Variants in SIPA1L3 observed in about 807,000 individuals in gnomAD.
SIPA1L3 encodes signal induced proliferation associated 1 like 3.
Under a neutral mutation model 150.1 loss-of-function variants are expected in SIPA1L3, and 59 were observed. That is an observed-to-expected ratio of 0.39 (90% CI 0.32 to 0.49). SIPA1L3 has a LOEUF of 0.49. SIPA1L3 is among the 20% of genes least tolerant of loss of function. The pLI, the probability that SIPA1L3 is intolerant of heterozygous loss-of-function variation, is 0.86. For missense variants in SIPA1L3, 2,211 were observed against 2,489.5 expected (o/e 0.89, Z 2.38); for synonymous variants, 1,070 against 1,077.6 (o/e 0.99, Z 0.14).
chr19:38,054,555 C>T (rs1035011764), intron 2 of SIPA1L3, among the ~76,000 whole-genome samples: 11 of 152,086 alleles, frequency 7.2e-5, no homozygotes, highest in Admixed American at 4.6e-4. Context: ...GCCGAGATCG[C>T]GCCACCGCAC....
intron 3 of SIPA1L3, among the ~76,000 whole-genome samples, chr19:38,088,349 C>T (rs376219329): frequency 2.6e-5 from 4 of 152,364 alleles, no homozygotes; most frequent in South Asian, 4.1e-4. Flanking sequence ...TTTGCAAACA[C>T]GGGATTAATC....
At chr19:38,170,952 A>G (rs1490626441) in intron 15 of SIPA1L3, among the ~76,000 whole-genome samples, 1 of 137,126 alleles carries the variant, frequency 7.3e-6, no homozygotes, top group African/African-American at 2.5e-5. Context: ...TTGTGTGTAT[A>G]TATGCAACAT....
intron 1 of SIPA1L3, among the ~76,000 whole-genome samples, chr19:37,915,250 G>C (rs1199414294): frequency 6.6e-6 from 1 of 152,164 alleles, no homozygotes; most frequent in African/African-American, 2.4e-5. Flanking sequence ...TTGACTGCTT[G>C]GTTGCCATAC....
intron 10 of SIPA1L3, among the ~76,000 whole-genome samples, chr19:38,136,249 G>T (rs1971435004): frequency 6.7e-6 from 1 of 149,012 alleles, no homozygotes; most frequent in Non-Finnish European, 1.5e-5. Flanking sequence ...GCTTCTGGTA[G>T]TTGAAACTGG....
chr19:38,145,629 C>T lies in SIPA1L3; in HGVS notation c.3533+2919C>T, dbSNP rs192578059. ...TTGTTAACATCTTGTATGGTTATAA[C>T]GCAATATCAAAGCAAGAGGTTGACA... On this transcript the variant is annotated intron_variant, in intron 12 of 21. Coordinates refer to ENST00000222345, the MANE Select transcript of SIPA1L3 (RefSeq NM_015073.3). Among the ~76,000 whole-genome samples, 7 of 151,658 alleles carry T rather than the reference C, an allele frequency of 4.6e-5. No individual in the cohort carries two copies. The East Asian group carries it at 7.7e-4, about 17-fold the overall frequency.
intron 9 of SIPA1L3, among the ~76,000 whole-genome samples, chr19:38,129,050 TA>T (rs1316148361): frequency 6.6e-6 from 1 of 152,198 alleles, no homozygotes; most frequent in African/African-American, 2.4e-5. Flanking sequence ...AACGCAGTTT[TA>T]GGAAAGGGCA....
At chr19:38,109,527 C>T (rs1225042129) in intron 7 of SIPA1L3, 1 of 152,326 alleles carries the variant, frequency 6.6e-6, no homozygotes, top group Non-Finnish European at 1.5e-5. Flanking sequence ...CCATCCTGAC[C>T]TCAGTCAGGG....
At chr19:38,138,910 A>AAAAACAAAAAAACAAAAAC in intron 10 of SIPA1L3, among the ~76,000 whole-genome samples, 1 of 112,786 alleles carries the variant, frequency 8.9e-6, no homozygotes, top group Non-Finnish European at 1.8e-5. Flanking sequence ...AAAAAAAAAA[A>AAAAACAAAAAAACAAAAAC]AAAAACTGAG....
At chr19:38,189,087 G>C (rs1342819417) in intron 16 of SIPA1L3, among the ~76,000 whole-genome samples, 1 of 151,742 alleles carries the variant, frequency 6.6e-6, no homozygotes, top group East Asian at 1.9e-4. Flanking sequence ...TTATTAATGT[G>C]GTCACCTCCT....
chr19:38,160,920 G>C (rs1972069132), intron 13 of SIPA1L3, among the ~76,000 whole-genome samples: 1 of 152,182 alleles, frequency 6.6e-6, no homozygotes, highest in Non-Finnish European at 1.5e-5. Flanking sequence ...AATACTATTA[G>C]GGTAACATCA....
chr19:38,076,205 C>A (rs1185163372), intron 2 of SIPA1L3, among the ~76,000 whole-genome samples: 1 of 151,934 alleles, frequency 6.6e-6, no homozygotes, highest in African/African-American at 2.4e-5. Context: ...TTAGGTATGT[C>A]ATGAATACAT....
At chr19:38,000,209 G>C (rs1168467893) in intron 1 of SIPA1L3, among the ~76,000 whole-genome samples, 2 of 152,138 alleles carry the variant, frequency 1.3e-5, no homozygotes, top group East Asian at 1.9e-4. Context: ...GCTCACACCT[G>C]TAATCCCAGC....
At chr19:38,040,812 G>T (rs557416369) in intron 2 of SIPA1L3, among the ~76,000 whole-genome samples, 1 of 152,342 alleles carries the variant, frequency 6.6e-6, no homozygotes, top group Non-Finnish European at 1.5e-5. Context: ...CCAGGCTGGA[G>T]TGCAGTGGCT....
chr19:38,195,372 T>C (rs1467645329), intron 18 of SIPA1L3, among the ~76,000 whole-genome samples: 1 of 152,194 alleles, frequency 6.6e-6, no homozygotes, highest in Non-Finnish European at 1.5e-5. Context: ...GGCCCTCCCC[T>C]GCGCTCCCTT....
intron 18 of SIPA1L3, among the ~76,000 whole-genome samples, chr19:38,194,202 G>A (rs1342966032): frequency 1.3e-5 from 2 of 151,726 alleles, no homozygotes; most frequent in Admixed American, 6.6e-5. Context: ...GCCACACTTG[G>A]GGGTGGTGCA....
intron 2 of SIPA1L3, among the ~76,000 whole-genome samples, chr19:38,074,356 G>A (rs1368350929): frequency 6.6e-6 from 1 of 152,240 alleles, no homozygotes; most frequent in Non-Finnish European, 1.5e-5. Flanking sequence ...CCCATCTGTC[G>A]GGAGGTGCTT....
At chr19:38,130,022 A>G (rs1568566103) in intron 9 of SIPA1L3, among the ~76,000 whole-genome samples, 1 of 152,176 alleles carries the variant, frequency 6.6e-6, no homozygotes. Context: ...AGCTGAGATC[A>G]TGCCGCTGCA....
intron 1 of SIPA1L3, among the ~76,000 whole-genome samples, chr19:37,978,838 G>A (rs1048341235): frequency 6.6e-5 from 10 of 151,954 alleles, no homozygotes; most frequent in Non-Finnish European, 2.9e-5. Flanking sequence ...AGCTGGGTAC[G>A]GTGGCTCAGG....
intron 12 of SIPA1L3, among the ~76,000 whole-genome samples, chr19:38,148,427 C>G (rs1206836204): frequency 6.6e-6 from 1 of 151,856 alleles, no homozygotes; most frequent in Non-Finnish European, 1.5e-5. Flanking sequence ...CACATTGCAC[C>G]TCTGTGGCTG....
Sources: allele counts gnomAD v4.1 joint callset (sites outside exome capture counted in the v4.1 genomes callset), GRCh38; gene constraint gnomAD v4.1.1; transcripts MANE v1.5; gene names NCBI Gene and HGNC (gene_info 2026-07-23, HGNC 2026-07-21).